Variants in SYAP1 observed in about 807,000 individuals in gnomAD.
The protein encoded by SYAP1 is synapse-associated protein 1.
In SYAP1, 3 loss-of-function variants were observed where a neutral mutation model predicts 29.6. The ratio of observed to expected loss-of-function variants is 0.10; its 90% CI spans 0.05 to 0.26. SYAP1 has a LOEUF of 0.26. Among genes scored for constraint, SYAP1 ranks in the 10% least tolerant of loss-of-function variants. SYAP1 has a pLI of 1.00. For missense variants in SYAP1, 217 were observed against 264.1 expected (o/e 0.82, Z 1.24); for synonymous variants, 102 against 102.7 (o/e 0.99, Z 0.04).
chrX:16,753,244 CAA>C (rs770811287), intron 5 of SYAP1, among the ~76,000 whole-genome samples: 452 of 41,327 alleles, frequency 0.011, 4 homozygotes, highest in African/African-American at 0.04. Flanking sequence ...GACTCCGTCT[CAA>C]AAAAAAAAAA....
At chrX:16,757,640 A>G (rs183868297) in intron 8 of SYAP1, among the ~76,000 whole-genome samples, 2,846 of 110,775 alleles carry the variant, frequency 0.026, 112 homozygotes, top group African/African-American at 0.088. Context: ...GGAGAATGGC[A>G]TGAACCTGGG....
chrX:16,743,878 C>T lies in SYAP1; in HGVS notation c.575+38C>T, dbSNP rs751308342. 1.4e-5 allele frequency: 16 copies of T among 1,183,045 alleles called. No homozygotes were observed. The South Asian group carries it at 1.8e-4, about 13-fold the overall frequency. ...TTCTCCAGCGTTTCCTCATGGCCTC[C>T]ATTATGTGCTCAGTATCAGCACATA... On this transcript the variant is annotated intron_variant, in intron 5 of 8. Coordinates refer to ENST00000380155, the MANE Select transcript of SYAP1 (RefSeq NM_032796.4).
In SYAP1 at chrX:16,756,665, G is replaced by T; in HGVS notation, c.727G>T (p.Ala243Ser). Residue 243 changes from alanine (A) to serine (S), a missense_variant and splice_region_variant, in exon 7 of 9, where the codon GCA becomes TCA. By Grantham distance (99) the Ala-to-Ser change is moderately conservative. Coordinates refer to ENST00000380155, the MANE Select transcript of SYAP1 (RefSeq NM_032796.4). The stretch of plus-strand genomic sequence containing the variant: ...TCTCTCTTATTCTCACTTCTTAGAG[G>T]CAGTACGGCCCAAAACGCCACCCGT... ...GREQDLPLAEAVRPKTPPVVI... is the reference protein window; with the variant it reads ...GREQDLPLAESVRPKTPPVVI... 1 of 1,209,964 alleles carries T rather than the reference G, an allele frequency of 8.3e-7. No individual in the cohort carries two copies. Among genetic ancestry groups the T allele is most frequent in the Non-Finnish European group, 1.1e-6 (1 of 893,964 alleles).
At chrX:16,744,973 AAGAC>A (rs1414557805) in intron 5 of SYAP1, among the ~76,000 whole-genome samples, 1 of 112,125 alleles carries the variant, frequency 8.9e-6, no homozygotes, top group Admixed American at 9.5e-5. Flanking sequence ...TCTCAAATAA[AAGAC>A]AGACTCCTTT....
chrX:16,757,459 G>A (rs757089322), intron 8 of SYAP1, 150 bp downstream of exon 8: 141 of 643,732 alleles, frequency 2.2e-4, no homozygotes, highest in Non-Finnish European at 2.9e-4. Context: ...AATGGCTCAC[G>A]CTTGTAATCC....
At chrX:16,732,647 G>A (rs1482391204) in intron 1 of SYAP1, among the ~76,000 whole-genome samples, 2 of 112,088 alleles carry the variant, frequency 1.8e-5, no homozygotes, top group Non-Finnish European at 3.8e-5. Context: ...CTATATTAGT[G>A]AGACCTGGCC....
chrX:16,727,413 G>A (rs1471765473), intron 1 of SYAP1, among the ~76,000 whole-genome samples: 8 of 102,146 alleles, frequency 7.8e-5, no homozygotes, highest in African/African-American at 1.8e-4. Context: ...GCATGATCTC[G>A]GCTCACTGCA....
At chrX:16,739,232 A>G (rs1313362785) in intron 3 of SYAP1, among the ~76,000 whole-genome samples, 1 of 111,167 alleles carries the variant, frequency 9.0e-6, no homozygotes, top group East Asian at 2.8e-4. Flanking sequence ...AATTGCCACC[A>G]TTTGCTGACT....
chrX:16,736,340 C>T (rs1926328190), intron 3 of SYAP1, 108 bp downstream of exon 3: 1 of 498,889 alleles, frequency 2.0e-6, no homozygotes, highest in Non-Finnish European at 3.5e-6. Context: ...TATGCAATGG[C>T]CCCATCCTTT....
chrX:16,753,822 A>G (rs1207782479), intron 5 of SYAP1, among the ~76,000 whole-genome samples: 1 of 111,081 alleles, frequency 9.0e-6, no homozygotes, highest in East Asian at 2.8e-4. Flanking sequence ...GATGGTGAGA[A>G]ACCTGGTTTC....
chrX:16,722,453 G>A lies in SYAP1; in HGVS notation c.175+2554G>A, dbSNP rs756249646. Among the ~76,000 whole-genome samples, 12 of 109,053 alleles carry A rather than the reference G, an allele frequency of 1.1e-4. 1 individual carries two copies. The South Asian group carries it at 4.1e-3, about 37-fold the overall frequency. 94.7% of individuals were successfully genotyped at this position (109,053 alleles called of 115,157 possible). ...TGAGGCGGGAGAATCGCTTGAACCC[G>A]GGAGGCGGAGGTTGCAGTGAGCCGA... On this transcript the variant is annotated intron_variant, in intron 1 of 8. Coordinates refer to ENST00000380155, the MANE Select transcript of SYAP1 (RefSeq NM_032796.4).
chrX:16,751,720 C>T (rs1399286101), intron 5 of SYAP1, among the ~76,000 whole-genome samples: 1 of 102,975 alleles, frequency 9.7e-6, no homozygotes, highest in Non-Finnish European at 2.0e-5. Flanking sequence ...CTATTGTTGC[C>T]CAGGCTGGAG....
chrX:16,740,548 C>G (rs758148910), intron 3 of SYAP1, among the ~76,000 whole-genome samples: 1 of 110,314 alleles, frequency 9.1e-6, no homozygotes, highest in African/African-American at 3.3e-5. Context: ...AGAAGAGTCG[C>G]AAGAATAAAA....
intron 3 of SYAP1, among the ~76,000 whole-genome samples, chrX:16,741,023 A>G (rs1198922580): frequency 3.7e-5 from 4 of 109,082 alleles, no homozygotes; most frequent in African/African-American, 1.3e-4. Flanking sequence ...ATATTTCCTC[A>G]TAACTAGACT....
rs202079674 is a variant in SYAP1, at chrX:16,757,256, A to C, written c.878A>C (p.Glu293Ala). The stretch of plus-strand genomic sequence containing the variant: ...CTAAATCAGGAAGATCTAAGGAAAG[A>C]AATGGAGCAACTAGTGCTTGACAAA... ...CNLNQEDLRK[E>A]MEQLVLDKKQ... Residue 293 changes from glutamate (E) to alanine (A), a missense_variant, in exon 8 of 9, where the codon GAA (glutamate) becomes GCA (alanine). Transcript: ENST00000380155. 8.5e-5 allele frequency: 103 copies of C among 1,209,446 alleles called. No individual in the cohort carries two copies. The African/African-American group carries it at 1.7e-3, about 21-fold the overall frequency.
At chrX:16,732,261 G>T (rs1926224565) in intron 1 of SYAP1, among the ~76,000 whole-genome samples, 1 of 111,507 alleles carries the variant, frequency 9.0e-6, no homozygotes, top group Admixed American at 9.6e-5. Flanking sequence ...CAACTAATTA[G>T]AACTCTTTCG....
rs183044354 is a variant in SYAP1, at chrX:16,732,758, C to G, written c.176-2469C>G. On this transcript the variant is annotated intron_variant, in intron 1 of 8. Coordinates refer to ENST00000380155, the MANE Select transcript of SYAP1 (RefSeq NM_032796.4). ...CTAAAGAGAAATGAGTGATTTCACT[C>G]AATCTTAGCATTTGTTCTGTCACTC... is the stretch of plus-strand genomic sequence containing the variant. 1.8e-3 allele frequency among the ~76,000 whole-genome samples: 197 copies of G among 111,789 alleles called. 1 individual carries two copies. The highest frequency in any genetic ancestry group is 6.1e-3 in the African/African-American group (187 of 30,779).
chrX:16,719,745 T>G lies in SYAP1; in HGVS notation c.21T>G (p.Ser7Arg), dbSNP rs1925911098. The change falls in exon 1 of 9, where the codon AGT becomes AGG. Residue 7 changes from serine to arginine, a missense_variant. Transcript: ENST00000380155. MFRGLS[S>R]WLGLQQPVAG... is the part of the protein sequence containing the mutation. ...GCGGGATGTTCCGGGGCTTGAGCAG[T>G]TGGTTGGGCTTGCAGCAGCCGGTGG... 1.5e-5 allele frequency: 18 copies of G among 1,203,841 alleles called. No homozygotes were observed. The highest frequency in any genetic ancestry group is 1.9e-5 in the Non-Finnish European group (17 of 892,844).
At chrX:16,732,544 T>A (rs1310478006) in intron 1 of SYAP1, among the ~76,000 whole-genome samples, 1 of 111,600 alleles carries the variant, frequency 9.0e-6, no homozygotes, top group East Asian at 2.8e-4. Flanking sequence ...AGTGCTGGGA[T>A]TACAGGCGTG....
Sources: allele counts gnomAD v4.1 joint callset (sites outside exome capture counted in the v4.1 genomes callset), GRCh38; gene constraint gnomAD v4.1.1; transcripts MANE v1.5; gene names NCBI Gene and HGNC (gene_info 2026-07-23, HGNC 2026-07-21).